The following SYT10 variants were observed in gnomAD, a reference collection of about 807,000 sequenced individuals.
SYT10 encodes synaptotagmin-10.
Under a neutral mutation model 51.1 loss-of-function variants are expected in SYT10, and 31 were observed. The ratio of observed to expected loss-of-function variants is 0.61; its 90% CI spans 0.46 to 0.82. The LOEUF is 0.82. Ranked by LOEUF, SYT10 falls within the 40% of genes least tolerant of loss-of-function variation. The probability of loss-of-function intolerance (pLI) is 0.00; values close to 1 mark genes in which losing one functional copy is unlikely to be tolerated. For missense variants in SYT10, 603 were observed against 634.0 expected (o/e 0.95, Z 0.53); for synonymous variants, 233 against 225.9 (o/e 1.03, Z -0.28).
intron 2 of SYT10, among the ~76,000 whole-genome samples, chr12:33,409,158 CTAAG>C (rs375325038): frequency 4.6e-5 from 7 of 152,234 alleles, no homozygotes; most frequent in South Asian, 2.1e-4. Flanking sequence ...TGTTACAGCA[CTAAG>C]TAATATAGAT....
In SYT10 at chr12:33,378,876, GTC is replaced by G. The variant is rs201348456; in HGVS notation, c.1500+954_1500+955del. On this transcript the variant is annotated intron_variant, in intron 6 of 6. Transcript: ENST00000228567. Reference sequence around the variant, plus strand: ...TGTAGATGCATTTGTGTGTGTGTGTGTCTGTCTTTTATGATTTATACTAAATT... The same window carrying G: ...TGTAGATGCATTTGTGTGTGTGTGTGTGTCTTTTATGATTTATACTAAATT... Among the ~76,000 whole-genome samples, 762 of 151,860 alleles carry G rather than the reference GTC, an allele frequency of 5.0e-3. 7 individuals are homozygous for G. Among genetic ancestry groups the G allele is most frequent in the African/African-American group, 0.017 (715 of 41,310 alleles).
At chr12:33,401,754 T>C (rs1230280495) in intron 3 of SYT10, among the ~76,000 whole-genome samples, 1 of 152,190 alleles carries the variant, frequency 6.6e-6, no homozygotes, top group African/African-American at 2.4e-5. Context: ...CATCCCATTG[T>C]TTTTTCCTCT....
chr12:33,400,529 C>T (rs1866293964), intron 3 of SYT10, among the ~76,000 whole-genome samples: 1 of 151,274 alleles, frequency 6.6e-6, no homozygotes, highest in African/African-American at 2.4e-5. Flanking sequence ...TATACACAAG[C>T]AACTTCCTTA....
chr12:33,374,725 A>G lies in SYT10; in HGVS notation c.*2105T>C, dbSNP rs1366661613. The stretch of plus-strand genomic sequence containing the variant: ...AAAAAATTCTTTTAAAACTTATTTT[A>G]ATCTACAATTCCCATATTAGAGTCT... On this transcript the variant is annotated 3_prime_UTR_variant, in exon 7 of 7. Transcript: ENST00000228567. 6.6e-6 allele frequency: 1 copy of G among 151,960 alleles called. No homozygotes were observed. Among genetic ancestry groups the G allele is most frequent in the Non-Finnish European group, 1.5e-5 (1 of 67,882 alleles). 9.4% of individuals were successfully genotyped at this position (151,960 alleles called of 1,614,324 possible).
At chr12:33,433,476 A>AC in intron 1 of SYT10, among the ~76,000 whole-genome samples, 1 of 152,332 alleles carries the variant, frequency 6.6e-6, no homozygotes, top group South Asian at 2.1e-4. Flanking sequence ...TGTTTTCACT[A>AC]CAGACTAATT....
intron 3 of SYT10, among the ~76,000 whole-genome samples, chr12:33,389,328 C>G (rs777901146): frequency 6.6e-6 from 1 of 152,008 alleles, no homozygotes; most frequent in Non-Finnish European, 1.5e-5. Context: ...TATTCCCAAG[C>G]ACATGGCAAA....
intron 6 of SYT10, among the ~76,000 whole-genome samples, chr12:33,377,934 C>T (rs1866078317): frequency 6.6e-6 from 1 of 152,158 alleles, no homozygotes; most frequent in African/African-American, 2.4e-5. Context: ...GGTTGAGGAA[C>T]CCGATTTTCT....
intron 2 of SYT10, among the ~76,000 whole-genome samples, chr12:33,417,214 T>C (rs1322029783): frequency 6.6e-6 from 1 of 152,184 alleles, no homozygotes; most frequent in Non-Finnish European, 1.5e-5. Context: ...CTGTAAGATA[T>C]GACTAGGGCA....
chr12:33,400,343 T>C (rs1565493878), intron 3 of SYT10, among the ~76,000 whole-genome samples: 1 of 152,218 alleles, frequency 6.6e-6, no homozygotes, highest in Admixed American at 6.5e-5. Context: ...TAATAAAATA[T>C]GTTATTTCAA....
At position 33,426,099 on chromosome 12, in the gene SYT10, C is replaced by CACAT. The variant is rs771916434; in HGVS notation, c.509+38_509+39insATGT. The CACAT allele has an allele frequency of 4.0e-6, 6 of 1,513,208 alleles. No homozygotes were observed. In the African/African-American group the frequency reaches 5.6e-5, roughly 14 times the overall value. 93.7% of individuals were successfully genotyped at this position (1,513,208 alleles called of 1,614,324 possible). ...ACACACACACACACACACACACACA[C>CACAT]GCACACACACCAGTTTTATATATTT... is the stretch of plus-strand genomic sequence containing the variant. On this transcript the variant is annotated intron_variant, in intron 2 of 6. Transcript: ENST00000228567.
At chr12:33,417,569 G>T (rs745544032) in intron 2 of SYT10, among the ~76,000 whole-genome samples, 1 of 152,204 alleles carries the variant, frequency 6.6e-6, no homozygotes, top group Non-Finnish European at 1.5e-5. Flanking sequence ...CAACACAATA[G>T]TCTTGTGACT....
intron 2 of SYT10, among the ~76,000 whole-genome samples, chr12:33,415,040 C>T (rs1866441190): frequency 6.6e-6 from 1 of 152,102 alleles, no homozygotes; most frequent in Non-Finnish European, 1.5e-5. Flanking sequence ...GCAAATTCTT[C>T]CCGCCTATCA....
At chr12:33,399,089 T>C (rs1866281799) in intron 3 of SYT10, among the ~76,000 whole-genome samples, 1 of 152,190 alleles carries the variant, frequency 6.6e-6, no homozygotes, top group Non-Finnish European at 1.5e-5. Context: ...CATGTAGGAA[T>C]TTAAATGGGA....
At chr12:33,420,876 AT>A (rs977090926) in intron 2 of SYT10, among the ~76,000 whole-genome samples, 4 of 152,182 alleles carry the variant, frequency 2.6e-5, no homozygotes, top group African/African-American at 9.7e-5. Flanking sequence ...CCTGCAAAGC[AT>A]GTTTTATGAA....
At chr12:33,377,702 A>G (rs1284974982) in intron 6 of SYT10, among the ~76,000 whole-genome samples, 1 of 143,660 alleles carries the variant, frequency 7.0e-6, no homozygotes, top group African/African-American at 2.6e-5. Flanking sequence ...ATCTCAGCTC[A>G]CTGCAACCTC....
intron 3 of SYT10, among the ~76,000 whole-genome samples, chr12:33,397,451 C>T (rs917844675): frequency 6.6e-5 from 10 of 152,188 alleles, no homozygotes; most frequent in African/African-American, 2.4e-4. Context: ...AGGGCATAGA[C>T]AGCCTGAGGT....
chr12:33,431,317 C>T (rs927607379), intron 1 of SYT10, among the ~76,000 whole-genome samples: 15 of 152,176 alleles, frequency 9.9e-5, no homozygotes, highest in African/African-American at 2.6e-4. Context: ...TTTTATGCTG[C>T]CATATTCTTA....
At chr12:33,435,692 G>T (rs1313960257) in intron 1 of SYT10, among the ~76,000 whole-genome samples, 1 of 151,922 alleles carries the variant, frequency 6.6e-6, no homozygotes, top group African/African-American at 2.4e-5. Flanking sequence ...CAATTAATTG[G>T]GTAGTCATTT....
chr12:33,389,665 G>A (rs1373081440), intron 3 of SYT10, among the ~76,000 whole-genome samples: 2 of 151,936 alleles, frequency 1.3e-5, no homozygotes, highest in Non-Finnish European at 2.9e-5. Flanking sequence ...ACAAATAATT[G>A]GTTGCTGTGG....
Sources: gnomAD v4.1 joint callset for allele counts (sites outside exome capture counted in the v4.1 genomes callset) on GRCh38, gnomAD v4.1.1 for gene constraint, MANE v1.5 for transcripts, NCBI Gene and HGNC (gene_info 2026-07-23, HGNC 2026-07-21) for gene names.